The following ERCC8 variants were observed in gnomAD, a reference collection of about 807,000 sequenced individuals.
The protein encoded by ERCC8 is DNA excision repair protein ERCC-8.
ERCC8 carries 52 observed loss-of-function variants against 54.9 expected under a neutral mutation model. The ratio of observed to expected loss-of-function variants is 0.95; its 90% confidence interval spans 0.76 to 1.19. The LOEUF (loss-of-function observed/expected upper bound fraction) is 1.19, where lower values mean the gene tolerates loss of function less well. ERCC8 is among the 50% of genes most tolerant of loss of function. The pLI, the probability that ERCC8 is intolerant of heterozygous loss-of-function variation, is 0.00. For missense variants in ERCC8, 514 were observed against 466.1 expected, an observed-to-expected ratio of 1.10 and a Z score of -0.95; for synonymous variants, 146 against 157.2, an observed-to-expected ratio of 0.93 and a Z score of 0.53.
intron 6 of ERCC8, among the ~76,000 whole-genome samples, chr5:60,902,930 A>G (rs1353125740): frequency 1.3e-5 from 2 of 152,024 alleles, no homozygotes; most frequent in Non-Finnish European, 2.9e-5. Flanking sequence ...AAGCATTTAT[A>G]TAAAATGTTT....
Position 60,867,785 on chromosome 5 carries a change from C to A in ERCC8, c.*6830G>T, listed in dbSNP as rs1747784037. Among the ~76,000 whole-genome samples the A allele has an allele frequency of 6.6e-6, 1 of 152,210 alleles. No individual in the cohort carries two copies. The highest frequency in any genetic ancestry group is 2.1e-4 in the South Asian group (1 of 4,832). ...TGTTTTTACAGAAGGTGTTGACAAG[C>A]TCTCATTTAGTACTGTTGCTAATCC... On this transcript the variant is annotated 3_prime_UTR_variant, in exon 12 of 12. Coordinates refer to ENST00000676185, the MANE Select transcript of ERCC8 (RefSeq NM_000082.4).
At chr5:60,936,687 T>C (rs1750076729) in intron 1 of ERCC8, among the ~76,000 whole-genome samples, 1 of 152,220 alleles carries the variant, frequency 6.6e-6, no homozygotes, top group South Asian at 2.1e-4. Flanking sequence ...AGCACCACTT[T>C]TGCTGTATCC....
At chr5:60,882,982 C>A (rs1403973980) in intron 11 of ERCC8, among the ~76,000 whole-genome samples, 1 of 151,116 alleles carries the variant, frequency 6.6e-6, no homozygotes, top group Non-Finnish European at 1.5e-5. Flanking sequence ...CACACACACA[C>A]ACACACACAC....
Position 60,873,227 on chromosome 5 carries a change from T to C in ERCC8, c.*1388A>G, listed in dbSNP as rs992350221. On this transcript the variant is annotated 3_prime_UTR_variant, in exon 12 of 12. Transcript: ENST00000676185. ...CAGTTAGCTAGATTTAGTCATTCTA[T>C]AATGTATATATGCTTCAAAACAGTA... Among the ~76,000 whole-genome samples the C allele has an allele frequency of 1.3e-5, 2 of 152,234 alleles. No homozygotes were observed. Among genetic ancestry groups the C allele is most frequent in the African/African-American group, 4.8e-5 (2 of 41,464 alleles).
rs112391630 is a variant in ERCC8 at position 60,909,003 on chromosome 5, T to C, written c.400-4130A>G. 5.7e-4 allele frequency among the ~76,000 whole-genome samples: 87 copies of C among 152,166 alleles called. 1 individual carries two copies. The highest frequency in any genetic ancestry group is 2.0e-3 in the African/African-American group (84 of 41,520). ...AAAAGCAAAGTCAGTATAGTCATTA[T>C]ATGACAATGTGAAGCCAAAGGAAGG... On this transcript the variant is annotated intron_variant, in intron 4 of 11. Transcript: ENST00000676185.
intron 1 of ERCC8, among the ~76,000 whole-genome samples, chr5:60,942,462 A>G (rs1273183990): frequency 6.6e-6 from 1 of 152,222 alleles, no homozygotes; most frequent in Non-Finnish European, 1.5e-5. Flanking sequence ...GATACTCCAC[A>G]GCAAAAAAAA....
intron 4 of ERCC8, among the ~76,000 whole-genome samples, chr5:60,912,090 C>T (rs1024894535): frequency 6.6e-6 from 1 of 152,006 alleles, no homozygotes; most frequent in East Asian, 1.9e-4. Context: ...TTTTTGGTTT[C>T]ATATGAACTT....
intron 1 of ERCC8, among the ~76,000 whole-genome samples, chr5:60,938,091 T>TA (rs1561519213): frequency 1.5e-3 from 10 of 6,586 alleles, no homozygotes; most frequent in East Asian, 0.015. Flanking sequence ...ATATATTTTA[T>TA]TTTTTTTTTT....
chr5:60,944,898 T>A, intron 1 of ERCC8, 34 bp downstream of exon 1: 1 of 1,488,234 alleles, frequency 6.7e-7, no homozygotes, highest in Middle Eastern at 1.7e-4. Context: ...AGATTCTAAC[T>A]GGCCTGTTAG....
At chr5:60,906,121 T>C (rs1035650406) in intron 4 of ERCC8, among the ~76,000 whole-genome samples, 1 of 152,184 alleles carries the variant, frequency 6.6e-6, no homozygotes, top group Non-Finnish European at 1.5e-5. Context: ...GTTATATATC[T>C]TGTGCCTCCG....
chr5:60,883,336 G>A (rs549969245), intron 11 of ERCC8, among the ~76,000 whole-genome samples: 1 of 152,274 alleles, frequency 6.6e-6, no homozygotes, highest in South Asian at 2.1e-4. Flanking sequence ...TGTTGTAGAT[G>A]GATGTGGTAC....
chr5:60,941,095 T>A lies in ERCC8; in HGVS notation c.77+3837A>T, dbSNP rs1426982776. ...TCTTGTGAAGCTGAGGCAGGGGGAC[T>A]GCTTCAGCCTAGGAGTTCAGGACCA... On this transcript the variant is annotated intron_variant, in intron 1 of 11. Coordinates refer to ENST00000676185, the MANE Select transcript of ERCC8 (RefSeq NM_000082.4). Among the ~76,000 whole-genome samples, 12 of 152,244 alleles carry A rather than the reference T, an allele frequency of 7.9e-5. No homozygotes were observed. The East Asian group carries it at 2.3e-3, about 29-fold the overall frequency.
chr5:60,935,910 A>G (rs56791802), intron 1 of ERCC8, among the ~76,000 whole-genome samples: 9,671 of 152,024 alleles, frequency 0.064, 1,014 homozygotes, highest in African/African-American at 0.22. Flanking sequence ...GGTGGATTAT[A>G]TTTTTTATAT....
rs1389379293 is a variant in ERCC8, at chr5:60,870,285, TA to T, written c.*4329del. Among the ~76,000 whole-genome samples, 1 of 151,696 alleles carries T rather than the reference TA, an allele frequency of 6.6e-6. No homozygotes were observed. Among genetic ancestry groups the T allele is most frequent in the Non-Finnish European group, 1.5e-5 (1 of 67,964 alleles). ...ACCTACTACATGCCAACTACAGTTC[TA>T]AGAATTGAAACAAAACAAAACAAAA... On this transcript the variant is annotated 3_prime_UTR_variant, in exon 12 of 12. Coordinates refer to ENST00000676185, the MANE Select transcript of ERCC8 (RefSeq NM_000082.4).
intron 4 of ERCC8, among the ~76,000 whole-genome samples, chr5:60,913,323 G>A (rs1274886636): frequency 2.0e-5 from 3 of 152,074 alleles, no homozygotes; most frequent in Non-Finnish European, 4.4e-5. Context: ...AGTCTTGGGA[G>A]GGTGTGTGTG....
intron 11 of ERCC8, among the ~76,000 whole-genome samples, chr5:60,875,893 C>T (rs956906946): frequency 3.3e-5 from 5 of 151,054 alleles, no homozygotes; most frequent in Non-Finnish European, 4.4e-5. Context: ...TTTATTTTTT[C>T]TTTTTTTTAT....
chr5:60,900,917 A>G (rs1748887498), intron 7 of ERCC8: 1 of 151,906 alleles, frequency 6.6e-6, no homozygotes, highest in Admixed American at 6.6e-5. Flanking sequence ...TAACCTTCAT[A>G]CCTCTTCAGC....
At chr5:60,904,974 T>C (rs1210448541) in intron 4 of ERCC8, 101 bp from the exon 5 acceptor site, 4 of 605,614 alleles carry the variant, frequency 6.6e-6, no homozygotes, top group Non-Finnish European at 1.2e-5. Flanking sequence ...TATTTTTAAA[T>C]TGACTGTTAG....
At chr5:60,930,331 C>T (rs1399916713) in intron 1 of ERCC8, among the ~76,000 whole-genome samples, 1 of 152,078 alleles carries the variant, frequency 6.6e-6, no homozygotes, top group Non-Finnish European at 1.5e-5. Flanking sequence ...TTTGGGAGGC[C>T]GAGGATCACA....
Sources: gnomAD v4.1 joint callset for allele counts (sites outside exome capture counted in the v4.1 genomes callset) on GRCh38, gnomAD v4.1.1 for gene constraint, MANE v1.5 for transcripts, NCBI Gene and HGNC (gene_info 2026-07-23, HGNC 2026-07-21) for gene names.